SLC4A11: variants seen among roughly 807,000 people sequenced by gnomAD.
The protein encoded by SLC4A11 is bicarbonate transporter related protein 1.
Under a neutral mutation model 95.0 loss-of-function variants are expected in SLC4A11, and 74 were observed. The ratio of observed to expected loss-of-function variants is 0.78; its 90% confidence interval spans 0.65 to 0.95. The LOEUF (loss-of-function observed/expected upper bound fraction) is 0.95. Among genes scored for constraint, SLC4A11 ranks in the 40% least tolerant of loss-of-function variants. SLC4A11 has a pLI of 0.00. For missense variants in SLC4A11, 1,081 were observed against 1,192.4 expected, an observed-to-expected ratio of 0.91 and a Z score of 1.38; for synonymous variants, 548 against 519.0, an observed-to-expected ratio of 1.06 and a Z score of -0.76.
intron 13 of SLC4A11, among the ~76,000 whole-genome samples, 197 bp from the exon 14 acceptor site, chr20:3,229,973 C>T (rs1024757486): frequency 6.6e-6 from 1 of 152,164 alleles, no homozygotes; most frequent in African/African-American, 2.4e-5. Flanking sequence ...AGTGCCTCTG[C>T]CCCCACGGCT....
At position 3,227,537 on chromosome 20, in the gene SLC4A11, T is replaced by A; in HGVS notation, c.*250A>T. ...TTTATCAAAAGAAAATCCATCCTGC[T>A]CAGTCCCACCCACCCTGGGCAGAAG... is the stretch of plus-strand genomic sequence containing the variant. On this transcript the variant is annotated 3_prime_UTR_variant, in exon 20 of 20. Transcript: ENST00000642402. The A allele has an allele frequency of 3.5e-6, 2 of 568,430 alleles. No homozygotes were observed. 35.2% of individuals were successfully genotyped at this position (568,430 alleles called of 1,614,324 possible).
intron 1 of SLC4A11, chr20:3,238,095 G>C: frequency 2.0e-6 from 3 of 1,465,064 alleles, no homozygotes; most frequent in Admixed American, 2.5e-5. Context: ...CCCCCGTCAC[G>C]CGCCCCGGGT....
At chr20:3,233,734 T>C in intron 6 of SLC4A11, 97 bp from the exon 7 acceptor site, 3 of 1,571,278 alleles carry the variant, frequency 1.9e-6, no homozygotes, top group Non-Finnish European at 1.7e-6. Context: ...TGGCGACCTC[T>C]GCTAGGGAGG....
At chr20:3,238,803 T>G (rs1306592603) in intron 1 of SLC4A11, 1 of 1,152,276 alleles carries the variant, frequency 8.7e-7, no homozygotes, top group Non-Finnish European at 1.1e-6. Context: ...CTGCCCACTT[T>G]CGAGCTCCCC....
chr20:3,231,166 G>C lies in SLC4A11; in HGVS notation c.1025C>G (p.Pro342Arg). 2 of 1,614,156 alleles carry C rather than the reference G, an allele frequency of 1.2e-6. No individual in the cohort carries two copies. Among genetic ancestry groups the C allele is most frequent in the Non-Finnish European group, 1.7e-6 (2 of 1,180,028 alleles). ...CCACGTACCATCAGTGAAGTCCAAG[G>C]GGTACAAGGGGAACCTGCGTGCGAT... is the stretch of plus-strand genomic sequence containing the variant. ...EDIARRFPLY[P>R]LDFTDGIIGK... Residue 342 changes from proline (P) to arginine (R), a missense_variant, in exon 9 of 20, where the codon CCC (proline) becomes CGC (arginine). This residue lies in a region of SLC4A11 where 767 missense variants were observed against 858.0 expected (regional missense o/e 0.89). Transcript: ENST00000642402. This position sits in a 1 kb window ranked among gnomAD's most constrained non-coding sequence, Gnocchi z 5.2.
rs1482631297 is a variant in SLC4A11, at chr20:3,234,227, C to T, written c.379G>A (p.Glu127Lys). ...FLAQASIVLN[E>K]TATSLDNVLR... Reference sequence around the variant, plus strand: ...ACGTTATCCAGGGAGGTGGCCGTCTCGTTCAGGACGATGCTGGCCTGCGCC... The same window carrying T: ...ACGTTATCCAGGGAGGTGGCCGTCTTGTTCAGGACGATGCTGGCCTGCGCC... Residue 127 changes from glutamate (E) to lysine (K), a missense_variant, in exon 5 of 20, where the codon GAG (glutamate) becomes AAG (lysine). Transcript: ENST00000642402. This position sits in a 1 kb window ranked among gnomAD's most constrained non-coding sequence, Gnocchi z 5.8. The T allele has an allele frequency of 9.9e-6, 16 of 1,613,942 alleles. No homozygotes were observed. The highest frequency in any genetic ancestry group is 1.4e-5 in the Non-Finnish European group (16 of 1,180,014).
chr20:3,227,878 A>G, intron 19 of SLC4A11, 22 bp from the exon 20 acceptor site: 1 of 1,610,276 alleles, frequency 6.2e-7, no homozygotes, highest in Non-Finnish European at 8.5e-7. Flanking sequence ...GAGGGACAGG[A>G]GGATGAGCCT....
intron 2 of SLC4A11, among the ~76,000 whole-genome samples, chr20:3,235,992 G>A (rs2014425): frequency 0.019 from 2,957 of 152,168 alleles, 102 homozygotes; most frequent in African/African-American, 0.067. Flanking sequence ...GGTCCCCTAA[G>A]GTTCCTCACT....
chr20:3,227,911 C>G, intron 19 of SLC4A11, 55 bp from the exon 20 acceptor site: 1 of 1,555,152 alleles, frequency 6.4e-7, no homozygotes, highest in Non-Finnish European at 8.8e-7. Context: ...AGGCAGTGGA[C>G]ACCCATCCCA....
At position 3,229,151 on chromosome 20, in the gene SLC4A11, C is replaced by G. The variant is rs753720956; in HGVS notation, c.1962G>C (p.Met654Ile). ...GAMGLGFLLSMLFFIEQNLVA... is the reference protein window; with the variant it reads ...GAMGLGFLLSILFFIEQNLVA... ...CCAAGTTCTGCTCGATGAAGAAGAGCATGGACAGCAGGAAGCCGAGGCCCA... is the reference window on the plus strand; with the variant it reads ...CCAAGTTCTGCTCGATGAAGAAGAGGATGGACAGCAGGAAGCCGAGGCCCA... Residue 654 changes from methionine to isoleucine, a missense_variant, in exon 16 of 20, where the codon ATG (methionine) becomes ATC (isoleucine). Physicochemically the swap from Met to Ile is conservative, Grantham distance 10. This residue lies in a region of SLC4A11 where 767 missense variants were observed against 858.0 expected (regional missense o/e 0.89). Transcript: ENST00000642402. The G allele has an allele frequency of 6.2e-7, 1 of 1,602,796 alleles. No individual in the cohort carries two copies. The highest frequency in any genetic ancestry group is 1.4e-5 in the African/African-American group (1 of 72,998).
chr20:3,238,047 G>T (rs569054155), intron 1 of SLC4A11: 22 of 1,501,506 alleles, frequency 1.5e-5, no homozygotes, highest in Non-Finnish European at 2.0e-5. Context: ...ACCGGTCCTG[G>T]GGGCCATAAA....
chr20:3,231,642 G>C lies in SLC4A11; in HGVS notation c.730-94C>G. 8.4e-7 allele frequency: 1 copy of C among 1,197,056 alleles called. No individual in the cohort carries two copies. 74.2% of individuals were successfully genotyped at this position (1,197,056 alleles called of 1,614,324 possible). On this transcript the variant is annotated intron_variant, in intron 7 of 19. Coordinates refer to ENST00000642402, the MANE Select transcript of SLC4A11 (RefSeq NM_001174089.2). This position sits in a 1 kb window ranked among gnomAD's most constrained non-coding sequence, Gnocchi z 5.2. ...TGCTCTCCCCATGAACTGGCAGCAG[G>C]TTTTTTGTCTGTTTGTTTTTTGTGT...
At chr20:3,236,585 A>C (rs945595047) in intron 2 of SLC4A11, among the ~76,000 whole-genome samples, 2 of 20,384 alleles carry the variant, frequency 9.8e-5, no homozygotes, top group South Asian at 8.6e-4. Flanking sequence ...CGAGACTCAA[A>C]ACAAAACAAA....
intron 13 of SLC4A11, among the ~76,000 whole-genome samples, chr20:3,229,983 T>G (rs1194220499): frequency 2.0e-5 from 3 of 152,160 alleles, no homozygotes; most frequent in African/African-American, 7.2e-5. Flanking sequence ...CCCCCACGGC[T>G]GGTCCCACCT....
chr20:3,227,784 C>G lies in SLC4A11; in HGVS notation c.*3G>C. The stretch of plus-strand genomic sequence containing the variant: ...CGAATGGGGCGTGGGCAGGGTCTGC[C>G]AGTCAAGGCCTGTGCTCAGCGTCCA... On this transcript the variant is annotated 3_prime_UTR_variant, in exon 20 of 20. Transcript: ENST00000642402. The G allele has an allele frequency of 6.2e-7, 1 of 1,612,982 alleles. No homozygotes were observed. Among genetic ancestry groups the G allele is most frequent in the Non-Finnish European group, 8.5e-7 (1 of 1,179,946 alleles).
chr20:3,230,111 C>T (rs918703091), intron 13 of SLC4A11, 76 bp downstream of exon 13: 5 of 1,539,468 alleles, frequency 3.2e-6, no homozygotes, highest in Admixed American at 1.7e-5. Flanking sequence ...CCTATGTGCC[C>T]CCAGCCAGGG....
intron 7 of SLC4A11, among the ~76,000 whole-genome samples, chr20:3,232,920 C>A (rs1235686893): frequency 6.6e-6 from 1 of 152,128 alleles, no homozygotes; most frequent in East Asian, 1.9e-4. Flanking sequence ...CCTCTCACAC[C>A]AGCACAGTTG....
intron 13 of SLC4A11, 90 bp downstream of exon 13, chr20:3,230,097 C>T (rs1038455285): frequency 1.4e-6 from 2 of 1,448,168 alleles, no homozygotes; most frequent in African/African-American, 2.8e-5. Context: ...CAGCTTGAGC[C>T]AGTCCTATGT....
intron 1 of SLC4A11, chr20:3,238,427 G>T (rs75186523): frequency 6.7e-6 from 7 of 1,040,446 alleles, no homozygotes; most frequent in South Asian, 4.2e-5. Flanking sequence ...ATCCTGAAGT[G>T]GGGGGCGGGG....
Sources: gnomAD v4.1 joint callset for allele counts (sites outside exome capture counted in the v4.1 genomes callset) on GRCh38, gnomAD v4.1.1 for gene constraint, gnomAD v4.1.1 regional missense constraint, Gnocchi (gnomAD v3.1) non-coding constraint, MANE v1.5 for transcripts, NCBI Gene and HGNC (gene_info 2026-07-23, HGNC 2026-07-21) for gene names.